Variants in SHANK2 observed in about 807,000 individuals in gnomAD.
SHANK2 encodes the protein SH3 and multiple ankyrin repeat domains protein 2.
A neutral mutation model predicts 133.7 loss-of-function variants in SHANK2; 43 were observed. The ratio of observed to expected loss-of-function variants is 0.32; its 90% CI spans 0.25 to 0.41. The LOEUF is 0.41. Ranked by LOEUF, SHANK2 falls within the 10% of genes least tolerant of loss-of-function variation. The pLI is 1.00. For missense variants in SHANK2, 1,994 were observed against 2,235.8 expected (o/e 0.89, Z 2.18); for synonymous variants, 1,017 against 952.8 (o/e 1.07, Z -1.24).
chr11:70,528,070 C>T (rs948499), intron 17 of SHANK2, among the ~76,000 whole-genome samples: 146,192 of 152,314 alleles, frequency 0.96, 70,469 homozygotes, highest in East Asian at 1. Context: ...GCAGATGATC[C>T]GGACCCAGAC....
At position 70,471,406 on chromosome 11, in the gene SHANK2, C is replaced by T; in HGVS notation, c.*1463G>A. The T allele has an allele frequency of 2.5e-6, 1 of 398,914 alleles. No individual in the cohort carries two copies. Among genetic ancestry groups the T allele is most frequent in the East Asian group, 3.6e-5 (1 of 28,074 alleles). 24.7% of individuals were successfully genotyped at this position (398,914 alleles called of 1,614,324 possible). A position where few individuals can be genotyped will look rare whatever the true frequency, so the allele number is the denominator to read the frequency against. ...GGAAGCCTGACTGTGTGTTTTGCGG[C>T]CCATGTGCATCTGGTGACCTCTTTT... On this transcript the variant is annotated 3_prime_UTR_variant, in exon 26 of 26. Coordinates refer to ENST00000601538, the MANE Select transcript of SHANK2 (RefSeq NM_012309.5). This position sits in a 1 kb window ranked among gnomAD's most constrained non-coding sequence, Gnocchi z 4.1.
At chr11:70,909,187 T>C (rs944226362) in intron 10 of SHANK2, among the ~76,000 whole-genome samples, 13 of 152,206 alleles carry the variant, frequency 8.5e-5, no homozygotes, top group African/African-American at 3.1e-4. Context: ...CTCCCAGAAA[T>C]CTTGATAGAA....
At chr11:71,098,944 G>A (rs1305289627) in intron 6 of SHANK2, among the ~76,000 whole-genome samples, 4 of 152,084 alleles carry the variant, frequency 2.6e-5, no homozygotes, top group African/African-American at 7.2e-5. Context: ...TGATGGACAC[G>A]AGCTCAGCCA....
intron 1 of SHANK2, among the ~76,000 whole-genome samples, chr11:71,239,735 A>C (rs1954865304): frequency 6.6e-6 from 1 of 152,116 alleles, no homozygotes; most frequent in Non-Finnish European, 1.5e-5. Flanking sequence ...TCGGCCTCCC[A>C]GGGTGCTGGG....
intron 10 of SHANK2, among the ~76,000 whole-genome samples, chr11:70,934,757 C>T (rs144923698): frequency 1.9e-4 from 29 of 152,324 alleles, no homozygotes; most frequent in African/African-American, 6.5e-4. Flanking sequence ...GCTGACATGC[C>T]ACGTGTGGGT....
intron 17 of SHANK2, among the ~76,000 whole-genome samples, chr11:70,528,937 C>T (rs920220395): frequency 1.3e-5 from 2 of 152,126 alleles, no homozygotes; most frequent in East Asian, 1.9e-4. Flanking sequence ...GGGAGGCCCC[C>T]GTGACGATTT....
In SHANK2 at chr11:70,875,328, T is replaced by C. The variant is rs180734285; in HGVS notation, c.1174+21173A>G. On this transcript the variant is annotated intron_variant, in intron 11 of 25. Transcript: ENST00000601538. ...GGAACATGATGATAAAGCATTAATA[T>C]TGCATGTTTGGTGAAACCCCGTCTC... Among the ~76,000 whole-genome samples, 94 of 152,074 alleles carry C rather than the reference T, an allele frequency of 6.2e-4. 1 individual carries two copies. Among genetic ancestry groups the C allele is most frequent in the Middle Eastern group, 3.4e-3 (1 of 294 alleles).
intron 2 of SHANK2, among the ~76,000 whole-genome samples, chr11:71,172,591 C>T (rs1555112416): frequency 9.3e-6 from 1 of 107,906 alleles, no homozygotes; most frequent in South Asian, 3.2e-4. Flanking sequence ...GAGTGAGACT[C>T]TGTCTCAAAA....
intron 17 of SHANK2, among the ~76,000 whole-genome samples, chr11:70,593,862 A>G (rs1216454775): frequency 2.0e-5 from 3 of 151,782 alleles, no homozygotes; most frequent in Non-Finnish European, 2.9e-5. Flanking sequence ...CATTCATTCA[A>G]TGAATTGCTA....
intron 10 of SHANK2, among the ~76,000 whole-genome samples, chr11:70,934,910 A>C (rs1950550758): frequency 6.6e-6 from 1 of 152,136 alleles, no homozygotes; most frequent in African/African-American, 2.4e-5. Context: ...ACCGCGATGC[A>C]AACCAAAGCG....
chr11:70,726,746 C>T (rs1229033699), intron 14 of SHANK2, among the ~76,000 whole-genome samples: 3 of 152,198 alleles, frequency 2.0e-5, no homozygotes, highest in Admixed American at 2.0e-4. Context: ...AGCCTGTCTG[C>T]CCAGACCTTA....
intron 8 of SHANK2, among the ~76,000 whole-genome samples, chr11:71,079,757 G>A (rs1219277115): frequency 1.1e-4 from 16 of 148,176 alleles, no homozygotes; most frequent in African/African-American, 3.7e-4. Context: ...GAGACTCCGA[G>A]AAAAGAGAGA....
intron 15 of SHANK2, among the ~76,000 whole-genome samples, chr11:70,689,697 C>A (rs1315658805): frequency 6.6e-6 from 1 of 152,130 alleles, no homozygotes; most frequent in Non-Finnish European, 1.5e-5. Flanking sequence ...CCCCCAGACA[C>A]CTGAACTTCC....
chr11:70,880,150 A>G (rs1302114163), intron 11 of SHANK2, among the ~76,000 whole-genome samples: 4 of 152,200 alleles, frequency 2.6e-5, no homozygotes, highest in Non-Finnish European at 2.9e-5. Flanking sequence ...CTCACCTGCT[A>G]GCCTGGGCAT....
intron 11 of SHANK2, among the ~76,000 whole-genome samples, chr11:70,879,475 A>G (rs1392765000): frequency 6.6e-6 from 1 of 152,182 alleles, no homozygotes; most frequent in Non-Finnish European, 1.5e-5. Flanking sequence ...AGAGGTTGTT[A>G]TCTGTGGTGG....
intron 14 of SHANK2, among the ~76,000 whole-genome samples, chr11:70,747,015 C>G (rs1355738449): frequency 6.8e-6 from 1 of 147,576 alleles, no homozygotes; most frequent in Non-Finnish European, 1.5e-5. Flanking sequence ...CTGTACTCCC[C>G]TCCCTCCACC....
intron 11 of SHANK2, among the ~76,000 whole-genome samples, chr11:70,827,382 C>T (rs1342297527): frequency 1.3e-5 from 2 of 151,206 alleles, no homozygotes; most frequent in African/African-American, 4.9e-5. Flanking sequence ...TTAGGCATTT[C>T]CTCAGCATTT....
intron 1 of SHANK2, among the ~76,000 whole-genome samples, chr11:71,245,168 T>TG (rs1954944353): frequency 6.6e-6 from 1 of 152,004 alleles, no homozygotes; most frequent in African/African-American, 2.4e-5. Flanking sequence ...TTTGTAGAGA[T>TG]GGGGTCTCAT....
At chr11:70,679,778 A>G (rs537995715) in intron 15 of SHANK2, among the ~76,000 whole-genome samples, 52 of 152,332 alleles carry the variant, frequency 3.4e-4, no homozygotes, top group African/African-American at 1.1e-3. Flanking sequence ...GCCCGCTGCC[A>G]CACCCCAGCC....
Sources: gnomAD v4.1 joint callset for allele counts (sites outside exome capture counted in the v4.1 genomes callset) on GRCh38, gnomAD v4.1.1 for gene constraint, Gnocchi (gnomAD v3.1) non-coding constraint, MANE v1.5 for transcripts, NCBI Gene and HGNC (gene_info 2026-07-23, HGNC 2026-07-21) for gene names.